The following UBE2U variants were observed in gnomAD, a reference collection of about 807,000 sequenced individuals.
UBE2U encodes ubiquitin-conjugating enzyme E2 U.
Under a neutral mutation model 41.2 loss-of-function variants are expected in UBE2U, and 39 were observed. The observed-to-expected ratio is 0.95, with a 90% CI of 0.73 to 1.24. UBE2U has a LOEUF of 1.24. Ranked by LOEUF, UBE2U falls within the 50% of genes most tolerant of loss-of-function variation. The pLI is 0.00. For missense variants in UBE2U, 336 were observed against 363.1 expected (o/e 0.93, Z 0.61); for synonymous variants, 107 against 117.8 (o/e 0.91, Z 0.60).
intron 5 of UBE2U, among the ~76,000 whole-genome samples, chr1:64,215,973 A>C (rs1651983399): frequency 6.6e-6 from 1 of 152,220 alleles, no homozygotes; most frequent in African/African-American, 2.4e-5. Flanking sequence ...GCAACCTTGC[A>C]TAGTAGCTGG....
chr1:64,251,964 C>G (rs1373518443), intron 8 of UBE2U, among the ~76,000 whole-genome samples: 1 of 152,188 alleles, frequency 6.6e-6, no homozygotes, highest in Non-Finnish European at 1.5e-5. Context: ...TCCAGCCAAC[C>G]AGCAGCAATA....
At chr1:64,231,795 C>CCG (rs1328736178) in intron 6 of UBE2U, among the ~76,000 whole-genome samples, 2 of 152,138 alleles carry the variant, frequency 1.3e-5, no homozygotes, top group African/African-American at 2.4e-5. Flanking sequence ...AGGCATAAGG[C>CCG]ATATTGCACT....
intron 8 of UBE2U, among the ~76,000 whole-genome samples, chr1:64,249,625 AAT>A (rs1366877867): frequency 6.6e-6 from 1 of 151,852 alleles, no homozygotes; most frequent in Admixed American, 6.6e-5. Context: ...AAATAAATCA[AAT>A]ATTTAAAAAT....
chr1:64,234,219 G>A (rs1224481804), intron 7 of UBE2U, among the ~76,000 whole-genome samples: 1 of 152,154 alleles, frequency 6.6e-6, no homozygotes, highest in Non-Finnish European at 1.5e-5. Flanking sequence ...ATATCTCAAA[G>A]TGAATTCATC....
chr1:64,204,445 G>T (rs780626248), intron 1 of UBE2U, among the ~76,000 whole-genome samples: 1 of 152,134 alleles, frequency 6.6e-6, no homozygotes, highest in Non-Finnish European at 1.5e-5. Flanking sequence ...ACAATAAGTA[G>T]TATTTCATTT....
At chr1:64,228,779 T>C (rs897492477) in intron 6 of UBE2U, among the ~76,000 whole-genome samples, 5 of 146,792 alleles carry the variant, frequency 3.4e-5, no homozygotes, top group Admixed American at 1.4e-4. Flanking sequence ...AACCTCTGCC[T>C]CTGGGTTCAA....
chr1:64,231,335 C>T (rs1167839555), intron 6 of UBE2U, among the ~76,000 whole-genome samples: 1 of 152,138 alleles, frequency 6.6e-6, no homozygotes, highest in Non-Finnish European at 1.5e-5. Flanking sequence ...GCTAAATGAT[C>T]TGTGACAGCA....
Position 64,210,764 on chromosome 1 carries a change from C to A in UBE2U, c.264C>A (p.Pro88=). 6.2e-7 allele frequency: 1 copy of A among 1,600,728 alleles called. No individual in the cohort carries two copies. The highest frequency in any genetic ancestry group is 8.5e-7 in the Non-Finnish European group (1 of 1,172,198). The part of the protein sequence containing the change: ...HPNVDPHTGQ[P]CIDFLDNPEK... ...CAGTAGACCCACACACTGGTCAGCC[C>A]TGTATAGACTTTTTGGACAACCCTG... The change falls in exon 4 of 10, where the codon CCC becomes CCA. Residue 88 remains proline (P), a synonymous_variant. Transcript: ENST00000371077.
At chr1:64,206,586 A>C (rs548179155) in intron 2 of UBE2U, among the ~76,000 whole-genome samples, 178 bp from the exon 3 acceptor site, 1 of 152,036 alleles carries the variant, frequency 6.6e-6, no homozygotes, top group African/African-American at 2.4e-5. Context: ...TATGATTATA[A>C]TAGATTGTGA....
chr1:64,215,231 C>CA (rs940042702), intron 5 of UBE2U, among the ~76,000 whole-genome samples: 56 of 140,796 alleles, frequency 4.0e-4, no homozygotes, highest in South Asian at 9.0e-4. Flanking sequence ...AACTCTGTCT[C>CA]AAAAAAAAAA....
At chr1:64,256,253 G>A (rs1430741537) in intron 8 of UBE2U, among the ~76,000 whole-genome samples, 1 of 152,260 alleles carries the variant, frequency 6.6e-6, no homozygotes, top group Non-Finnish European at 1.5e-5. Context: ...ATTCTTCACA[G>A]AATTAGAAGA....
intron 4 of UBE2U, among the ~76,000 whole-genome samples, chr1:64,213,252 A>AC (rs1356465061): frequency 6.6e-6 from 1 of 152,086 alleles, no homozygotes; most frequent in African/African-American, 2.4e-5. Context: ...GTCAATTCAG[A>AC]TAAAAAAAAC....
intron 6 of UBE2U, among the ~76,000 whole-genome samples, chr1:64,222,923 C>T (rs190006085): frequency 1.3e-5 from 2 of 152,252 alleles, no homozygotes; most frequent in African/African-American, 4.8e-5. Context: ...GTCTATTCAA[C>T]TGGGTACAGT....
chr1:64,239,136 A>AAGGAGAAGGAGAAGGAGAAGGAGAAGG (rs1557730426), intron 7 of UBE2U, among the ~76,000 whole-genome samples: 4 of 28,348 alleles, frequency 1.4e-4, no homozygotes, highest in African/African-American at 5.4e-4. Context: ...GAAGAAGAAG[A>AAGGAGAAGGAGAAGGAGAAGGAGAAGG]AGAAGAAGAA....
intron 6 of UBE2U, among the ~76,000 whole-genome samples, chr1:64,231,170 T>A (rs1644557179): frequency 6.6e-6 from 1 of 151,918 alleles, no homozygotes; most frequent in South Asian, 2.1e-4. Flanking sequence ...AGGCTAACAG[T>A]TTGAAATTGA....
intron 7 of UBE2U, among the ~76,000 whole-genome samples, chr1:64,238,360 C>T (rs1644708602): frequency 6.6e-6 from 1 of 150,786 alleles, no homozygotes; most frequent in African/African-American, 2.4e-5. Context: ...GCCAAGATTG[C>T]ACCACTGCAC....
intron 7 of UBE2U, among the ~76,000 whole-genome samples, chr1:64,238,915 G>A (rs183114573): frequency 4.0e-5 from 6 of 151,732 alleles, no homozygotes; most frequent in African/African-American, 7.3e-5. Context: ...GGTGGCATGT[G>A]CCTATAGTCC....
intron 3 of UBE2U, among the ~76,000 whole-genome samples, chr1:64,208,800 A>G (rs1317611634): frequency 6.6e-6 from 1 of 152,170 alleles, no homozygotes; most frequent in African/African-American, 2.4e-5. Flanking sequence ...GGTCTAGATC[A>G]TTGCTATATC....
At chr1:64,243,548 T>G (rs1333562604) in intron 8 of UBE2U, among the ~76,000 whole-genome samples, 1 of 152,200 alleles carries the variant, frequency 6.6e-6, no homozygotes, top group African/African-American at 2.4e-5. Context: ...TTTTTAATAT[T>G]CGAAAATGCT....
Sources: gnomAD v4.1 joint callset for allele counts (sites outside exome capture counted in the v4.1 genomes callset) on GRCh38, gnomAD v4.1.1 for gene constraint, MANE v1.5 for transcripts, NCBI Gene and HGNC (gene_info 2026-07-23, HGNC 2026-07-21) for gene names.